TCF20: variants seen among roughly 807,000 people sequenced by gnomAD.
TCF20 encodes transcription factor 20.
Under a neutral mutation model 148.6 loss-of-function variants are expected in TCF20, and 3 were observed. The observed-to-expected ratio is 0.02, with a 90% CI of 0.01 to 0.05. TCF20 has a LOEUF of 0.05. Among genes scored for constraint, TCF20 ranks in the 10% least tolerant of loss-of-function variants. The pLI is 1.00. For missense variants in TCF20, 2,350 were observed against 2,429.3 expected, an observed-to-expected ratio of 0.97 and a Z score of 0.69; for synonymous variants, 1,049 against 909.5, an observed-to-expected ratio of 1.15 and a Z score of -2.76.
At chr22:42,223,795 T>C (rs982095371) in intron 1 of TCF20, among the ~76,000 whole-genome samples, 4 of 152,214 alleles carry the variant, frequency 2.6e-5, no homozygotes, top group Admixed American at 1.3e-4. Context: ...ATGTGGGATC[T>C]TCCTAAGTGT....
At chr22:42,249,253 A>G (rs1925168261) in intron 1 of TCF20, among the ~76,000 whole-genome samples, 1 of 152,180 alleles carries the variant, frequency 6.6e-6, no homozygotes, top group Non-Finnish European at 1.5e-5. Context: ...GGACTGAGGT[A>G]TGCTACTGGC....
intron 1 of TCF20, among the ~76,000 whole-genome samples, 72 bp downstream of exon 1, chr22:42,270,267 G>A (rs779390968): frequency 4.1e-4 from 62 of 151,308 alleles, no homozygotes; most frequent in Non-Finnish European, 8.4e-4. Context: ...CCCCGAGGCC[G>A]GACACCCCGG....
intron 1 of TCF20, among the ~76,000 whole-genome samples, chr22:42,266,231 G>A (rs1926280255): frequency 6.6e-6 from 1 of 152,184 alleles, no homozygotes; most frequent in Admixed American, 6.5e-5. Flanking sequence ...TAAGCCTTGA[G>A]CCTCATTAGC....
chr22:42,242,510 A>G (rs1343943861), intron 1 of TCF20, among the ~76,000 whole-genome samples: 2 of 152,150 alleles, frequency 1.3e-5, no homozygotes, highest in Non-Finnish European at 2.9e-5. Flanking sequence ...CATAGGGTAT[A>G]CTATATAGAC....
In TCF20 at chr22:42,214,484, T is replaced by C. The variant is rs996410732; in HGVS notation, c.822A>G (p.Gly274=). Residue 274 remains glycine (G), a synonymous_variant, in exon 2 of 6, where the codon GGA becomes GGG. Transcript: ENST00000677622. ...CCTGTGCATTAGAACCCACATTGTG[T>C]CCTTCATACTGAGATCCAGCATTCA... ...YNVNAGSQYE[G]HNVGSNAQAY... is the part of the protein sequence containing the mutation. 1.2e-6 allele frequency: 2 copies of C among 1,614,046 alleles called. No individual in the cohort carries two copies.
At chr22:42,238,356 T>C (rs938739446) in intron 1 of TCF20, among the ~76,000 whole-genome samples, 3 of 152,222 alleles carry the variant, frequency 2.0e-5, no homozygotes, top group Non-Finnish European at 4.4e-5. Context: ...AAGGGAATGT[T>C]GCGGCTGGTT....
At chr22:42,254,225 G>A (rs1925595087) in intron 1 of TCF20, among the ~76,000 whole-genome samples, 1 of 152,100 alleles carries the variant, frequency 6.6e-6, no homozygotes, top group Non-Finnish European at 1.5e-5. Context: ...CTGGGAATAT[G>A]ATGGGCAACA....
intron 2 of TCF20, among the ~76,000 whole-genome samples, chr22:42,195,500 CTTTTTTT>C (rs897311922): frequency 7.1e-6 from 1 of 141,700 alleles, no homozygotes; most frequent in Non-Finnish European, 1.6e-5. Context: ...ATATTACATA[CTTTTTTT>C]TTTTTTTTTT....
chr22:42,205,282 T>C (rs1402055007), intron 2 of TCF20, among the ~76,000 whole-genome samples: 5 of 136,122 alleles, frequency 3.7e-5, no homozygotes, highest in Admixed American at 3.6e-4. Flanking sequence ...CCCACACTTG[T>C]GGGAAGGGAA....
rs149328325 is a variant in TCF20, at chr22:42,175,296, C to T, written c.5749+4313G>A. Among the ~76,000 whole-genome samples the T allele has an allele frequency of 4.9e-4, 75 of 152,214 alleles. 1 individual carries two copies. The Middle Eastern group carries it at 0.02, about 41-fold the overall frequency. ...TCCTCTAGCCTCAGCCTCCCGAGTACCTGAGATTACAGGTGTGAACCACCA... is the reference window on the plus strand; with the variant it reads ...TCCTCTAGCCTCAGCCTCCCGAGTATCTGAGATTACAGGTGTGAACCACCA... On this transcript the variant is annotated intron_variant, in intron 3 of 5. Coordinates refer to ENST00000677622, the MANE Select transcript of TCF20 (RefSeq NM_001378418.1).
chr22:42,247,393 T>C (rs1903023676), intron 1 of TCF20, among the ~76,000 whole-genome samples: 1 of 142,526 alleles, frequency 7.0e-6, no homozygotes, highest in South Asian at 2.2e-4. Context: ...TGAGCCGAGA[T>C]GGTGCCACTG....
intron 1 of TCF20, among the ~76,000 whole-genome samples, chr22:42,294,472 A>G (rs1042013197): frequency 2.6e-5 from 4 of 152,122 alleles, no homozygotes; most frequent in African/African-American, 9.7e-5. Context: ...GGCGTGGCAG[A>G]GGCAGGGAAG....
chr22:42,161,027 C>G lies in TCF20; in HGVS notation c.*376G>C. 1 of 269,780 alleles carries G rather than the reference C, an allele frequency of 3.7e-6. No homozygotes were observed. 16.7% of individuals were successfully genotyped at this position (269,780 alleles called of 1,614,324 possible). A position where few individuals can be genotyped will look rare whatever the true frequency, so the allele number is the denominator to read the frequency against. On this transcript the variant is annotated 3_prime_UTR_variant, in exon 6 of 6. Transcript: ENST00000677622. ...AGGGATAGCGCACCTTTCATTTAAA[C>G]AAAGTCTTTCCAGACTAAAAATAGA...
chr22:42,224,439 C>A (rs1191920198), intron 1 of TCF20, among the ~76,000 whole-genome samples: 1 of 148,028 alleles, frequency 6.8e-6, no homozygotes, highest in African/African-American at 2.5e-5. Context: ...TGCACTCCAG[C>A]CTGGGCAACA....
At chr22:42,190,209 A>G (rs1400207323) in intron 2 of TCF20, among the ~76,000 whole-genome samples, 1 of 152,190 alleles carries the variant, frequency 6.6e-6, no homozygotes. Context: ...CTGTTATCCC[A>G]GCACTTTGGG....
chr22:42,265,497 C>A (rs145777309), intron 1 of TCF20, among the ~76,000 whole-genome samples: 110 of 152,294 alleles, frequency 7.2e-4, no homozygotes, highest in African/African-American at 2.6e-3. Context: ...GAGACCAGGT[C>A]TCACTATGTT....
intron 1 of TCF20, among the ~76,000 whole-genome samples, chr22:42,250,164 G>A (rs1462311429): frequency 1.3e-5 from 2 of 152,122 alleles, no homozygotes; most frequent in East Asian, 3.9e-4. Flanking sequence ...AACTGGCCAG[G>A]CACGGTGGCT....
intron 2 of TCF20, among the ~76,000 whole-genome samples, chr22:42,191,873 A>G (rs1324834141): frequency 6.6e-6 from 1 of 152,174 alleles, no homozygotes; most frequent in Non-Finnish European, 1.5e-5. Context: ...GGAGTAGGAG[A>G]CCTGCGGCAG....
At chr22:42,270,194 G>C (rs1309883376) in intron 1 of TCF20, among the ~76,000 whole-genome samples, 145 bp downstream of exon 1, 1 of 151,770 alleles carries the variant, frequency 6.6e-6, no homozygotes, top group South Asian at 2.1e-4. Context: ...CCCAAGCCCT[G>C]ACTCGGAGTC....
Sources: allele counts gnomAD v4.1 joint callset (sites outside exome capture counted in the v4.1 genomes callset), GRCh38; gene constraint gnomAD v4.1.1; transcripts MANE v1.5; gene names NCBI Gene and HGNC (gene_info 2026-07-23, HGNC 2026-07-21).